L3MBTL4: variants seen among roughly 807,000 people sequenced by gnomAD.
L3MBTL4 encodes the protein lethal(3)malignant brain tumor-like protein 4.
In L3MBTL4, 70 loss-of-function variants were observed where a neutral mutation model predicts 84.5. That is an observed-to-expected ratio of 0.83 (90% confidence interval 0.68 to 1.01). The LOEUF is 1.01. Ranked by LOEUF, L3MBTL4 falls within the 50% of genes least tolerant of loss-of-function variation. L3MBTL4 has a pLI of 0.00. For missense variants in L3MBTL4, 715 were observed against 754.8 expected (o/e 0.95, Z 0.62); for synonymous variants, 274 against 259.8 (o/e 1.05, Z -0.52).
At chr18:6,360,905 T>C (rs565148484) in intron 1 of L3MBTL4, among the ~76,000 whole-genome samples, 95 of 151,748 alleles carry the variant, frequency 6.3e-4, no homozygotes, top group Non-Finnish European at 1.1e-3. Flanking sequence ...CTCAGCTACC[T>C]GGGAGACTTA....
rs2144574743 is a variant in L3MBTL4, at chr18:5,956,105, A to T, written c.*115T>A. Reference sequence around the variant, plus strand: ...TAAACAAATCACAGACACTTTAAAAAGTCCAGATTCAGTGTGGATACGGCC... The same window carrying T: ...TAAACAAATCACAGACACTTTAAAATGTCCAGATTCAGTGTGGATACGGCC... On this transcript the variant is annotated 3_prime_UTR_variant, in exon 19 of 19. Transcript: ENST00000317931. 3 of 879,338 alleles carry T rather than the reference A, an allele frequency of 3.4e-6. No individual in the cohort carries two copies. Among genetic ancestry groups the T allele is most frequent in the Non-Finnish European group, 3.6e-6 (2 of 559,072 alleles). The allele number at this position is 879,338 out of a possible 1,614,324, so 54.5% of individuals were successfully genotyped here.
intron 4 of L3MBTL4, among the ~76,000 whole-genome samples, chr18:6,284,795 G>A (rs1374716537): frequency 2.0e-5 from 3 of 152,248 alleles, no homozygotes; most frequent in African/African-American, 7.2e-5. Flanking sequence ...CATGGGTGGA[G>A]GCAGCTAGAG....
intron 5 of L3MBTL4, chr18:6,256,882 T>A (rs1379765966): frequency 6.6e-6 from 1 of 152,268 alleles, no homozygotes; most frequent in East Asian, 1.9e-4. Context: ...AGGCAAGTTG[T>A]GGCAAGGACA....
intron 18 of L3MBTL4, among the ~76,000 whole-genome samples, chr18:5,957,959 CAAAA>C (rs35012817): frequency 8.1e-6 from 1 of 122,874 alleles, no homozygotes. Flanking sequence ...GACTCCACCT[CAAAA>C]AAAAAAAAAG....
At chr18:6,101,131 G>T (rs2058810518) in intron 14 of L3MBTL4, among the ~76,000 whole-genome samples, 2 of 152,150 alleles carry the variant, frequency 1.3e-5, no homozygotes, top group Non-Finnish European at 2.9e-5. Context: ...CCCCTTTGCT[G>T]GTCCTTTAAC....
intron 18 of L3MBTL4, among the ~76,000 whole-genome samples, chr18:5,958,125 AAGAAAAAGAAGAAGAAG>A (rs2095242159): frequency 2.1e-5 from 1 of 46,862 alleles, no homozygotes; most frequent in African/African-American, 9.4e-5. Context: ...GAAGAAGAAG[AAGAAAAAGAAGAAGAAG>A]AAGAAGAAGA....
intron 16 of L3MBTL4, among the ~76,000 whole-genome samples, chr18:5,998,926 C>T (rs968652258): frequency 5.9e-5 from 9 of 152,142 alleles, no homozygotes; most frequent in African/African-American, 1.9e-4. Context: ...TTTTCTCTGC[C>T]ATAAATCTAA....
At chr18:6,120,012 T>A (rs551499051) in intron 14 of L3MBTL4, among the ~76,000 whole-genome samples, 1 of 152,180 alleles carries the variant, frequency 6.6e-6, no homozygotes. Flanking sequence ...GTTCACTCAT[T>A]TTCAATTCAT....
chr18:6,149,656 G>C (rs143703820), intron 13 of L3MBTL4, among the ~76,000 whole-genome samples: 2 of 152,240 alleles, frequency 1.3e-5, no homozygotes, highest in Non-Finnish European at 2.9e-5. Flanking sequence ...CTAGTTTACG[G>C]ACCCACCAAC....
intron 14 of L3MBTL4, among the ~76,000 whole-genome samples, chr18:6,118,232 C>T (rs1598807914): frequency 2.0e-5 from 3 of 152,124 alleles, no homozygotes; most frequent in Admixed American, 2.0e-4. Context: ...CACACACGAG[C>T]ACTTGCTCTG....
At chr18:6,242,627 C>A (rs1004072997) in intron 7 of L3MBTL4, among the ~76,000 whole-genome samples, 1 of 152,198 alleles carries the variant, frequency 6.6e-6, no homozygotes, top group Non-Finnish European at 1.5e-5. Flanking sequence ...GGACTGTATA[C>A]TGACTCCAGA....
intron 1 of L3MBTL4, among the ~76,000 whole-genome samples, chr18:6,340,698 C>T (rs770370099): frequency 1.3e-4 from 20 of 152,096 alleles, no homozygotes; most frequent in African/African-American, 2.4e-5. Flanking sequence ...AATGACTCTC[C>T]TGTGGGCCCT....
chr18:6,058,950 G>C (rs1404058069), intron 16 of L3MBTL4, among the ~76,000 whole-genome samples: 2 of 152,140 alleles, frequency 1.3e-5, no homozygotes, highest in Non-Finnish European at 2.9e-5. Context: ...GAACACAAAG[G>C]TGCAATTATT....
intron 4 of L3MBTL4, among the ~76,000 whole-genome samples, chr18:6,271,397 A>G (rs2048862147): frequency 2.0e-5 from 3 of 152,226 alleles, no homozygotes; most frequent in Admixed American, 6.5e-5. Context: ...AAAGAAAGGT[A>G]GAAAGGAAAT....
intron 13 of L3MBTL4, among the ~76,000 whole-genome samples, chr18:6,154,763 C>T (rs988198290): frequency 4.6e-5 from 7 of 152,140 alleles, no homozygotes; most frequent in Non-Finnish European, 1.0e-4. Context: ...GCATTACTCG[C>T]TGAATTTAGA....
At chr18:6,290,397 A>C (rs1033806694) in intron 4 of L3MBTL4, among the ~76,000 whole-genome samples, 3 of 152,148 alleles carry the variant, frequency 2.0e-5, no homozygotes, top group African/African-American at 7.2e-5. Context: ...CAAAACAAAA[A>C]CTAAGCTTTA....
chr18:6,243,081 AT>A (rs1188396791), intron 7 of L3MBTL4, among the ~76,000 whole-genome samples: 6 of 152,220 alleles, frequency 3.9e-5, no homozygotes, highest in African/African-American at 1.4e-4. Context: ...TTATCAGAAT[AT>A]TTGACCTAAA....
intron 12 of L3MBTL4, among the ~76,000 whole-genome samples, chr18:6,211,891 C>G (rs955086653): frequency 6.6e-6 from 1 of 152,170 alleles, no homozygotes; most frequent in Non-Finnish European, 1.5e-5. Flanking sequence ...TCAGGTGATA[C>G]GCCCGCCTCA....
intron 5 of L3MBTL4, among the ~76,000 whole-genome samples, chr18:6,247,203 C>A (rs1363329329): frequency 6.6e-6 from 1 of 152,092 alleles, no homozygotes; most frequent in Non-Finnish European, 1.5e-5. Flanking sequence ...AACCATAACT[C>A]AGTTATTAAC....
Sources: gnomAD v4.1 joint callset for allele counts (sites outside exome capture counted in the v4.1 genomes callset) on GRCh38, gnomAD v4.1.1 for gene constraint, MANE v1.5 for transcripts, NCBI Gene and HGNC (gene_info 2026-07-23, HGNC 2026-07-21) for gene names.